Variants in DAB2IP observed in about 807,000 individuals in gnomAD.
The protein encoded by DAB2IP is DAB2 interacting protein, also known as disabled homolog 2-interacting protein.
DAB2IP carries 28 observed loss-of-function variants against 107.2 expected under a neutral mutation model. That is an observed-to-expected ratio of 0.26 (90% CI 0.19 to 0.36). The LOEUF (loss-of-function observed/expected upper bound fraction) is 0.36, where lower values mean the gene tolerates loss of function less well. Ranked by LOEUF, DAB2IP falls within the 10% of genes least tolerant of loss-of-function variation. DAB2IP has a pLI of 1.00. For synonymous variants in DAB2IP, 755 were observed against 706.4 expected, an observed-to-expected ratio of 1.07 and a Z score of -1.09; for missense variants, 1,400 against 1,644.7, an observed-to-expected ratio of 0.85 and a Z score of 2.57.
intron 5 of DAB2IP, among the ~76,000 whole-genome samples, chr9:121,759,480 C>G (rs1833730748): frequency 6.6e-6 from 1 of 152,218 alleles, no homozygotes; most frequent in African/African-American, 2.4e-5. Context: ...GAGGGCTTGA[C>G]CAAGTCCTGG....
intron 1 of DAB2IP, among the ~76,000 whole-genome samples, chr9:121,606,523 T>G (rs1329238203): frequency 6.6e-6 from 1 of 152,170 alleles, no homozygotes; most frequent in East Asian, 1.9e-4. Context: ...CTCCCATGGC[T>G]GGAAGGATGC....
chr9:121,780,270 C>T (rs1835513665), intron 14 of DAB2IP, among the ~76,000 whole-genome samples: 3 of 152,198 alleles, frequency 2.0e-5, no homozygotes, highest in Admixed American at 2.0e-4. Context: ...CCTGCCACCC[C>T]ACCCCCAGCA....
Position 121,640,453 on chromosome 9 carries a change from G to T in DAB2IP, c.41-38225G>T, listed in dbSNP as rs964681318. Among the ~76,000 whole-genome samples, 30 of 152,134 alleles carry T rather than the reference G, an allele frequency of 2.0e-4. 1 individual carries two copies. Among genetic ancestry groups the T allele is most frequent in the Non-Finnish European group, 4.4e-5 (3 of 68,016 alleles). On this transcript the variant is annotated intron_variant, in intron 1 of 16. Transcript: ENST00000259371. Reference sequence around the variant, plus strand: ...CAGAACATTGTGAAACTTCCTTACAGCTTCCCGGGACAGAGGCTGCAGGGG... The same window carrying T: ...CAGAACATTGTGAAACTTCCTTACATCTTCCCGGGACAGAGGCTGCAGGGG...
At chr9:121,606,571 A>C (rs764474863) in intron 1 of DAB2IP, among the ~76,000 whole-genome samples, 9 of 152,132 alleles carry the variant, frequency 5.9e-5, no homozygotes, top group African/African-American at 2.2e-4. Context: ...CTCCAGGTCC[A>C]GTGCTCACGG....
intron 2 of DAB2IP, among the ~76,000 whole-genome samples, chr9:121,679,481 G>A (rs12350408): frequency 0.19 from 28,489 of 149,928 alleles, 4,504 homozygotes; most frequent in African/African-American, 0.43. Flanking sequence ...TCACTCCCTC[G>A]TTCAGGAGCA....
chr9:121,639,346 C>T (rs546599800), intron 1 of DAB2IP, among the ~76,000 whole-genome samples: 8 of 152,320 alleles, frequency 5.3e-5, no homozygotes, highest in African/African-American at 1.7e-4. Flanking sequence ...GTGCAGCTCC[C>T]GAGGGTGGTC....
chr9:121,656,584 T>C (rs1405181548), intron 1 of DAB2IP, among the ~76,000 whole-genome samples: 1 of 152,186 alleles, frequency 6.6e-6, no homozygotes, highest in Non-Finnish European at 1.5e-5. Flanking sequence ...CAGTCCCTCC[T>C]CTCCCTTACA....
chr9:121,767,914 G>T (rs1361658869), intron 9 of DAB2IP, among the ~76,000 whole-genome samples: 1 of 152,164 alleles, frequency 6.6e-6, no homozygotes, highest in African/African-American at 2.4e-5. Flanking sequence ...GGAGTTGACA[G>T]CTGCCAGAGA....
rs1009986819 is a variant in DAB2IP, at chr9:121,702,959, C to T, written c.362+3501C>T. Reference sequence around the variant, plus strand: ...CAAGCTCTTCCCAGTCATCCTGGTGCGGAGCTTAGCTCATAAATGCAGGCA... The same window carrying T: ...CAAGCTCTTCCCAGTCATCCTGGTGTGGAGCTTAGCTCATAAATGCAGGCA... On this transcript the variant is annotated intron_variant, in intron 3 of 15. Coordinates refer to ENST00000408936, the Ensembl canonical transcript of DAB2IP. This position sits in a 1 kb window ranked among gnomAD's most constrained non-coding sequence, Gnocchi z 4.5. Among the ~76,000 whole-genome samples, 2 of 152,176 alleles carry T rather than the reference C, an allele frequency of 1.3e-5. No homozygotes were observed. Among genetic ancestry groups the T allele is most frequent in the Non-Finnish European group, 1.5e-5 (1 of 68,036 alleles).
chr9:121,567,150 A>G (rs372088944), exon 1 of DAB2IP: 16 of 1,613,744 alleles, frequency 9.9e-6, no homozygotes, highest in East Asian at 2.2e-5. Context: ...GCCTCGGTTC[A>G]TAAATCAGGT....
In DAB2IP at chr9:121,644,691, G is replaced by T. The variant is rs1832479917; in HGVS notation, c.41-33987G>T. Reference sequence around the variant, plus strand: ...GGGGAAGCTGCTTGTCAGTTTATACGCAAGGCTTTGATCCACTATGTTATT... The same window carrying T: ...GGGGAAGCTGCTTGTCAGTTTATACTCAAGGCTTTGATCCACTATGTTATT... On this transcript the variant is annotated intron_variant, in intron 1 of 16. Coordinates refer to the DAB2IP transcript ENST00000259371. 2.0e-5 allele frequency among the ~76,000 whole-genome samples: 3 copies of T among 152,320 alleles called. No individual in the cohort carries two copies. In the East Asian group the frequency reaches 5.8e-4, roughly 29 times the overall value.
intron 1 of DAB2IP, among the ~76,000 whole-genome samples, chr9:121,678,342 G>A (rs1372548859): frequency 1.3e-5 from 2 of 152,226 alleles, no homozygotes; most frequent in African/African-American, 4.8e-5. Flanking sequence ...AGAGCAGAAT[G>A]GTATTCCTTT....
At chr9:121,631,629 C>A (rs480270) in intron 1 of DAB2IP, among the ~76,000 whole-genome samples, 64,391 of 151,488 alleles carry the variant, frequency 0.43, 17,823 homozygotes, top group African/African-American at 0.77. Context: ...CATCCTGGCC[C>A]AAATGGTGAA....
chr9:121,652,797 A>T (rs1427753758), intron 1 of DAB2IP, among the ~76,000 whole-genome samples: 1 of 151,880 alleles, frequency 6.6e-6, no homozygotes, highest in Non-Finnish European at 1.5e-5. Flanking sequence ...CCACATTCCC[A>T]CCCTGCAGGC....
At position 121,776,414 on chromosome 9, in the gene DAB2IP, C is replaced by A. The variant is rs559519027; in HGVS notation, c.3314+23C>A. ...CAGGTGGGGCCCACACCTGCCTGGC[C>A]TGGCCACAGGCACAGGCAGGGCAGC... On this transcript the variant is annotated intron_variant, in intron 14 of 15. Transcript: ENST00000408936. The surrounding 1 kb of genome is among the most constrained non-coding windows in gnomAD (Gnocchi z 5.4). 6 of 1,503,382 alleles carry A rather than the reference C, an allele frequency of 4.0e-6. No individual in the cohort carries two copies. The highest frequency in any genetic ancestry group is 5.3e-6 in the Non-Finnish European group (6 of 1,125,468). 93.1% of individuals were successfully genotyped at this position (1,503,382 alleles called of 1,614,324 possible).
chr9:121,740,292 C>T (rs192048346), intron 3 of DAB2IP, among the ~76,000 whole-genome samples: 221 of 152,254 alleles, frequency 1.5e-3, no homozygotes, highest in Non-Finnish European at 2.4e-3. Flanking sequence ...GCTCTCTGAG[C>T]CCTCTCCACC....
intron 15 of DAB2IP, among the ~76,000 whole-genome samples, 190 bp downstream of exon 15, chr9:121,781,741 G>A (rs1182531957): frequency 6.6e-6 from 1 of 151,874 alleles, no homozygotes; most frequent in Admixed American, 6.5e-5. Context: ...GCTGTGAAAG[G>A]AGAGAGGCAG....
At chr9:121,619,431 G>A (rs1831386966) in intron 1 of DAB2IP, among the ~76,000 whole-genome samples, 1 of 152,218 alleles carries the variant, frequency 6.6e-6, no homozygotes, top group South Asian at 2.1e-4. Context: ...ACAGGCGTGA[G>A]CCACTGAGCC....
intron 1 of DAB2IP, among the ~76,000 whole-genome samples, chr9:121,570,103 TTCTC>T (rs1829901405): frequency 3.7e-5 from 5 of 135,190 alleles, no homozygotes; most frequent in Non-Finnish European, 6.1e-5. Context: ...CCTTTTCTCT[TTCTC>T]TTTTTTTTTT....
Sources: gnomAD v4.1 joint callset for allele counts (sites outside exome capture counted in the v4.1 genomes callset) on GRCh38, gnomAD v4.1.1 for gene constraint, Gnocchi (gnomAD v3.1) non-coding constraint, MANE v1.5 for transcripts, NCBI Gene and HGNC (gene_info 2026-07-23, HGNC 2026-07-21) for gene names.